The following CCBE1 variants were observed in gnomAD, a reference collection of about 807,000 sequenced individuals.
CCBE1 encodes the protein collagen and calcium binding EGF domains 1.
A neutral mutation model predicts 50.0 loss-of-function variants in CCBE1; 37 were observed. That is an observed-to-expected ratio of 0.74 (90% CI 0.57 to 0.97). The LOEUF (loss-of-function observed/expected upper bound fraction) is 0.97. CCBE1 is among the 50% of genes least tolerant of loss of function. CCBE1 has a pLI of 0.00. For missense variants in CCBE1, 538 were observed against 523.8 expected, an observed-to-expected ratio of 1.03 and a Z score of -0.26; for synonymous variants, 234 against 203.7, an observed-to-expected ratio of 1.15 and a Z score of -1.27.
At chr18:59,601,732 A>G (rs1387537262) in intron 2 of CCBE1, among the ~76,000 whole-genome samples, 1 of 152,172 alleles carries the variant, frequency 6.6e-6, no homozygotes, top group Non-Finnish European at 1.5e-5. Flanking sequence ...ATCATCTAAC[A>G]TCAAAACTTG....
intron 3 of CCBE1, among the ~76,000 whole-genome samples, chr18:59,477,378 G>T (rs1231491795): frequency 6.6e-6 from 1 of 152,198 alleles, no homozygotes; most frequent in Non-Finnish European, 1.5e-5. Flanking sequence ...AAAGAACCAC[G>T]ATCAGGCGAG....
intron 5 of CCBE1, chr18:59,465,517 T>G (rs1325542663): frequency 2.0e-5 from 3 of 152,216 alleles, no homozygotes; most frequent in Admixed American, 2.0e-4. Context: ...AGCTCTGTGC[T>G]AAAGGCCCAG....
chr18:59,445,411 A>T (rs575949026), intron 7 of CCBE1, among the ~76,000 whole-genome samples: 2 of 152,308 alleles, frequency 1.3e-5, no homozygotes, highest in South Asian at 4.1e-4. Flanking sequence ...AGAGACTGAG[A>T]AGATTGTTAT....
intron 2 of CCBE1, among the ~76,000 whole-genome samples, chr18:59,659,000 T>A (rs2054246606): frequency 6.7e-6 from 1 of 150,070 alleles, no homozygotes; most frequent in African/African-American, 2.4e-5. Context: ...AAAGCTCAAC[T>A]AATCTCCATT....
intron 2 of CCBE1, among the ~76,000 whole-genome samples, chr18:59,531,798 G>C (rs1241865368): frequency 1.3e-5 from 2 of 152,118 alleles, no homozygotes; most frequent in Non-Finnish European, 2.9e-5. Context: ...TCACTCAACT[G>C]TAGGGGATTC....
intron 3 of CCBE1, among the ~76,000 whole-genome samples, chr18:59,475,527 TTC>T (rs1912264925): frequency 6.6e-6 from 1 of 152,198 alleles, no homozygotes; most frequent in African/African-American, 2.4e-5. Flanking sequence ...CTTTTGTTTA[TTC>T]TGTTTTTACC....
At chr18:59,590,967 G>T (rs1204747601) in intron 2 of CCBE1, among the ~76,000 whole-genome samples, 1 of 32,304 alleles carries the variant, frequency 3.1e-5, no homozygotes, top group Admixed American at 3.1e-4. Context: ...TAAGTAGGCC[G>T]GGCGCGGTGG....
intron 5 of CCBE1, among the ~76,000 whole-genome samples, chr18:59,462,725 T>C (rs1332130974): frequency 6.6e-6 from 1 of 152,040 alleles, no homozygotes; most frequent in Non-Finnish European, 1.5e-5. Flanking sequence ...GGGCTTTTAG[T>C]GCATTCTAAT....
chr18:59,659,921 G>A (rs963494471), intron 2 of CCBE1, among the ~76,000 whole-genome samples: 2 of 152,174 alleles, frequency 1.3e-5, no homozygotes, highest in African/African-American at 4.8e-5. Flanking sequence ...TTGTGTCACT[G>A]ATTCCCTTTA....
chr18:59,508,301 A>C (rs900825179), intron 2 of CCBE1, among the ~76,000 whole-genome samples: 1 of 151,048 alleles, frequency 6.6e-6, no homozygotes, highest in African/African-American at 2.4e-5. Context: ...CTAAATGGCA[A>C]TTTGAAACTT....
chr18:59,580,726 G>A (rs1222447223), intron 2 of CCBE1, among the ~76,000 whole-genome samples: 1 of 152,162 alleles, frequency 6.6e-6, no homozygotes, highest in African/African-American at 2.4e-5. Context: ...GGGACTGTTT[G>A]CTCACTTCCA....
At chr18:59,615,028 A>G (rs1055001964) in intron 2 of CCBE1, among the ~76,000 whole-genome samples, 5 of 152,336 alleles carry the variant, frequency 3.3e-5, no homozygotes, top group East Asian at 1.9e-4. Context: ...ACATCCAATG[A>G]CAAATGCCTG....
At chr18:59,557,830 C>T (rs996621943) in intron 2 of CCBE1, among the ~76,000 whole-genome samples, 6 of 152,298 alleles carry the variant, frequency 3.9e-5, no homozygotes, top group South Asian at 2.1e-4. Flanking sequence ...TTGCTTTGTG[C>T]GTTTTGTCCA....
chr18:59,579,020 T>C (rs1454733319), intron 2 of CCBE1, among the ~76,000 whole-genome samples: 5 of 152,216 alleles, frequency 3.3e-5, no homozygotes, highest in African/African-American at 4.8e-5. Context: ...CAAACATAGA[T>C]GCTTGTCAAA....
At chr18:59,463,709 G>A (rs1348957834) in intron 5 of CCBE1, among the ~76,000 whole-genome samples, 3 of 152,128 alleles carry the variant, frequency 2.0e-5, no homozygotes, top group Non-Finnish European at 2.9e-5. Flanking sequence ...TCCCAACATC[G>A]AATCTCAACC....
chr18:59,527,842 A>C (rs1026457239), intron 2 of CCBE1, among the ~76,000 whole-genome samples: 3 of 152,224 alleles, frequency 2.0e-5, no homozygotes, highest in African/African-American at 7.2e-5. Context: ...TTCTGCTGAG[A>C]GATCCGCTGT....
At chr18:59,584,825 AAT>A (rs1456516766) in intron 2 of CCBE1, among the ~76,000 whole-genome samples, 1 of 152,170 alleles carries the variant, frequency 6.6e-6, no homozygotes, top group Non-Finnish European at 1.5e-5. Context: ...TTTCTTTATA[AAT>A]TACCCAGTCT....
intron 2 of CCBE1, among the ~76,000 whole-genome samples, chr18:59,645,769 C>G (rs1180562292): frequency 6.6e-6 from 1 of 152,192 alleles, no homozygotes; most frequent in African/African-American, 2.4e-5. Context: ...CGGTGGCTCA[C>G]GCCTATAATC....
At chr18:59,503,755 A>G (rs1171296829) in intron 2 of CCBE1, among the ~76,000 whole-genome samples, 1 of 152,300 alleles carries the variant, frequency 6.6e-6, no homozygotes, top group East Asian at 1.9e-4. Context: ...AGTCAAGTTC[A>G]AATTCTTTTG....
Sources: allele counts gnomAD v4.1 joint callset (sites outside exome capture counted in the v4.1 genomes callset), GRCh38; gene constraint gnomAD v4.1.1; transcripts MANE v1.5; gene names NCBI Gene and HGNC (gene_info 2026-07-23, HGNC 2026-07-21).